The following MICAL2 variants were observed in gnomAD, a reference collection of about 807,000 sequenced individuals.
The protein encoded by MICAL2 is [F-actin]-monooxygenase MICAL2.
Under a neutral mutation model 127.3 loss-of-function variants are expected in MICAL2, and 77 were observed. The ratio of observed to expected loss-of-function variants is 0.60; its 90% CI spans 0.50 to 0.73. The LOEUF (loss-of-function observed/expected upper bound fraction) is 0.73, where lower values mean the gene tolerates loss of function less well. Among genes scored for constraint, MICAL2 ranks in the 30% least tolerant of loss-of-function variants. The pLI, the probability that MICAL2 is intolerant of heterozygous loss-of-function variation, is 0.00. For missense variants in MICAL2, 1,351 were observed against 1,434.4 expected (o/e 0.94, Z 0.94); for synonymous variants, 570 against 551.1 (o/e 1.03, Z -0.48).
chr11:12,337,699 A>G (rs1451652212), intron 32 of MICAL2, among the ~76,000 whole-genome samples: 9 of 151,708 alleles, frequency 5.9e-5, no homozygotes, highest in Non-Finnish European at 1.2e-4. Context: ...TTCTGCCTTC[A>G]TTTCGTTATG....
chr11:12,309,547 A>G (rs1252100764), intron 29 of MICAL2, among the ~76,000 whole-genome samples: 2 of 152,156 alleles, frequency 1.3e-5, no homozygotes, highest in African/African-American at 2.4e-5. Context: ...CATTGTGTAT[A>G]TATATACCAC....
intron 1 of MICAL2, among the ~76,000 whole-genome samples, chr11:12,278,983 CT>C (rs1240336817): frequency 1.3e-5 from 2 of 152,136 alleles, no homozygotes; most frequent in African/African-American, 2.4e-5. Context: ...ATTTTAGAGG[CT>C]ATTAAAGCCC....
chr11:12,265,408 T>C (rs1254412899), downstream of MICAL2, among the ~76,000 whole-genome samples: 2 of 152,254 alleles, frequency 1.3e-5, no homozygotes, highest in Non-Finnish European at 2.9e-5. Context: ...TAAATGGAAT[T>C]AAGTATTGAT....
At chr11:12,305,626 C>G (rs941752054) in intron 29 of MICAL2, among the ~76,000 whole-genome samples, 1 of 152,178 alleles carries the variant, frequency 6.6e-6, no homozygotes, top group East Asian at 1.9e-4. Flanking sequence ...TGCCTGTGAC[C>G]TAGCTCTCAC....
downstream of MICAL2, among the ~76,000 whole-genome samples, chr11:12,295,853 T>A (rs1215277110): frequency 6.6e-6 from 1 of 152,166 alleles, no homozygotes; most frequent in Non-Finnish European, 1.5e-5. Flanking sequence ...TGTATATATG[T>A]TATATATGCA....
In MICAL2 at chr11:12,230,854, AACCCAGTG is replaced by A. The variant is rs1251184634; in HGVS notation, c.1995+3724_1995+3731del. Among the ~76,000 whole-genome samples the A allele has an allele frequency of 3.3e-5, 5 of 152,210 alleles. No individual in the cohort carries two copies. In the East Asian group the frequency reaches 9.6e-4, roughly 29 times the overall value. ...CTTTTCCATTCCCACCATGAGTGGT[AACCCAGTG>A]GGTTGATTAGTTCTGAAAACTGGGC... On this transcript the variant is annotated intron_variant, in intron 15 of 27. Transcript: ENST00000683283.
chr11:12,305,147 C>T (rs1316976544), intron 29 of MICAL2, among the ~76,000 whole-genome samples: 2 of 152,130 alleles, frequency 1.3e-5, no homozygotes, highest in African/African-American at 4.8e-5. Context: ...CTACCCAAGA[C>T]TGGGTAACTT....
intron 20 of MICAL2, 49 bp from the exon 21 acceptor site, chr11:12,243,938 G>A (rs778421370): frequency 1.2e-6 from 2 of 1,606,058 alleles, no homozygotes; most frequent in Non-Finnish European, 1.7e-6. Flanking sequence ...GTATCACCAT[G>A]TGTGACTCCT....
chr11:12,358,585 T>A (rs986449403), downstream of MICAL2: 1,125 of 1,167,210 alleles, frequency 9.6e-4, 7 homozygotes, highest in Non-Finnish European at 1.1e-3. Flanking sequence ...CCCTGGAACT[T>A]GTTATACCTT....
At chr11:12,278,291 A>C (rs1366126117) in intron 1 of MICAL2, among the ~76,000 whole-genome samples, 1 of 152,250 alleles carries the variant, frequency 6.6e-6, no homozygotes, top group African/African-American at 2.4e-5. Flanking sequence ...CACATTGAAT[A>C]GCTGGAAAAA....
rs1488523913 is a variant in MICAL2, at chr11:12,222,338, C to A, written c.1323-279C>A. ...GTGGCTGAACATGGTTATGGCAAAACCACAGGCCACCGTGCTGCCAGCCCT... is the reference window on the plus strand; with the variant it reads ...GTGGCTGAACATGGTTATGGCAAAAACACAGGCCACCGTGCTGCCAGCCCT... On this transcript the variant is annotated intron_variant, in intron 10 of 27. Transcript: ENST00000683283. Among the ~76,000 whole-genome samples the A allele has an allele frequency of 2.6e-5, 4 of 152,304 alleles. No individual in the cohort carries two copies. In the East Asian group the frequency reaches 7.7e-4, roughly 29 times the overall value.
At position 12,256,971 on chromosome 11, in the gene MICAL2, G is replaced by C; in HGVS notation, c.3142G>C (p.Gly1048Arg). The C allele has an allele frequency of 6.2e-7, 1 of 1,611,344 alleles. No individual in the cohort carries two copies. Among genetic ancestry groups the C allele is most frequent in the Non-Finnish European group, 8.5e-7 (1 of 1,178,766 alleles). Residue 1048 changes from glycine to arginine, a missense_variant and splice_region_variant, in exon 24 of 28, where the codon GGC becomes CGC. By Grantham distance (125) the Gly-to-Arg change is moderately radical. Transcript: ENST00000683283. The part of the protein sequence containing the change: ...LAAYTFDCDE[G>R]KFYCKPHFIH... Reference sequence around the variant, plus strand: ...CGCCTACACCTTTGACTGCGATGAAGGTAACCCCAGGGGCCAGGGCAGCAC... The same window carrying C: ...CGCCTACACCTTTGACTGCGATGAACGTAACCCCAGGGGCCAGGGCAGCAC...
At chr11:12,258,948 CAA>C (rs1033996178) in intron 25 of MICAL2, among the ~76,000 whole-genome samples, 2 of 152,248 alleles carry the variant, frequency 1.3e-5, no homozygotes, top group Non-Finnish European at 2.9e-5. Flanking sequence ...CTACATTTTC[CAA>C]GTCCTCTCCC....
At chr11:12,211,409 C>A (rs1855445438) in intron 6 of MICAL2, among the ~76,000 whole-genome samples, 1 of 152,078 alleles carries the variant, frequency 6.6e-6, no homozygotes, top group Non-Finnish European at 1.5e-5. Flanking sequence ...ACAAAAAAAA[C>A]CCCAAGGTTG....
At chr11:12,353,218 A>C (rs1182650458) in intron 33 of MICAL2, among the ~76,000 whole-genome samples, 1 of 152,190 alleles carries the variant, frequency 6.6e-6, no homozygotes, top group Non-Finnish European at 1.5e-5. Flanking sequence ...TGGCAGGTGG[A>C]GGCTGGAAGA....
intron 1 of MICAL2, among the ~76,000 whole-genome samples, chr11:12,129,610 A>G (rs923048965): frequency 3.7e-4 from 49 of 132,984 alleles, no homozygotes; most frequent in African/African-American, 1.4e-3. Context: ...CCTTTATACA[A>G]TTCTACTCTG....
At chr11:12,136,893 G>A (rs576716007) in intron 1 of MICAL2, among the ~76,000 whole-genome samples, 6 of 152,250 alleles carry the variant, frequency 3.9e-5, no homozygotes, top group East Asian at 1.9e-4. Flanking sequence ...GCTGGTCTCC[G>A]TAATGCCCTA....
chr11:12,273,651 A>G (rs1355070526), upstream of MICAL2, among the ~76,000 whole-genome samples: 1 of 152,020 alleles, frequency 6.6e-6, no homozygotes, highest in Non-Finnish European at 1.5e-5. Context: ...GTTTGGGAAG[A>G]GATTGTATCT....
chr11:12,323,675 T>C (rs1864325176), intron 30 of MICAL2, among the ~76,000 whole-genome samples: 1 of 152,204 alleles, frequency 6.6e-6, no homozygotes, highest in South Asian at 2.1e-4. Flanking sequence ...ACTAGCGACA[T>C]GTGGCTACTT....
Sources: allele counts gnomAD v4.1 joint callset (sites outside exome capture counted in the v4.1 genomes callset), GRCh38; gene constraint gnomAD v4.1.1; transcripts MANE v1.5; gene names NCBI Gene and HGNC (gene_info 2026-07-23, HGNC 2026-07-21).